FAM177A1: variants seen among roughly 807,000 people sequenced by gnomAD.
FAM177A1 encodes family with sequence similarity 177 member A1.
A neutral mutation model predicts 26.1 loss-of-function variants in FAM177A1; 22 were observed. The ratio of observed to expected loss-of-function variants is 0.84; its 90% CI spans 0.60 to 1.20. FAM177A1 has a LOEUF of 1.20. Ranked by LOEUF, FAM177A1 falls within the 50% of genes most tolerant of loss-of-function variation. The pLI, the probability that FAM177A1 is intolerant of heterozygous loss-of-function variation, is 0.00. For synonymous variants in FAM177A1, 95 were observed against 99.3 expected (o/e 0.96, Z 0.26); for missense variants, 296 against 291.1 (o/e 1.02, Z -0.12).
chr14:35,076,551 C>T (rs2045399654), intron 2 of FAM177A1, among the ~76,000 whole-genome samples: 1 of 151,890 alleles, frequency 6.6e-6, no homozygotes, highest in Non-Finnish European at 1.5e-5. Flanking sequence ...TGTAACAAAC[C>T]TGCATGTTGT....
At chr14:35,045,413 G>C (rs917387547), upstream of FAM177A1, among the ~76,000 whole-genome samples, 5 of 152,186 alleles carry the variant, frequency 3.3e-5, no homozygotes, top group African/African-American at 1.2e-4. Context: ...TGGCACAGAA[G>C]AGAAAGGAAT....
chr14:35,054,017 T>C (rs564096526), intron 2 of FAM177A1, among the ~76,000 whole-genome samples: 1 of 152,014 alleles, frequency 6.6e-6, no homozygotes, highest in South Asian at 2.1e-4. Context: ...TCTTACTAAA[T>C]TGAGTGCTTG....
intron 2 of FAM177A1, among the ~76,000 whole-genome samples, chr14:35,056,218 A>G (rs1462413331): frequency 6.6e-6 from 1 of 151,994 alleles, no homozygotes; most frequent in African/African-American, 2.4e-5. Context: ...TATTTTTAGT[A>G]GAGACATGCT....
At chr14:35,077,468 C>CTTTTTTTTTTTTTTTT (rs150813883) in intron 3 of FAM177A1, among the ~76,000 whole-genome samples, 7 of 79,526 alleles carry the variant, frequency 8.8e-5, no homozygotes, top group Non-Finnish European at 1.2e-4. Context: ...TTTTCAAGTT[C>CTTTTTTTTTTTTTTTT]TTTTTTTTTT....
At chr14:35,061,922 T>C (rs1039564583) in intron 2 of FAM177A1, among the ~76,000 whole-genome samples, 1 of 152,028 alleles carries the variant, frequency 6.6e-6, no homozygotes, top group Admixed American at 6.6e-5. Context: ...CAGAGGCTGG[T>C]GGAAGAAGAG....
chr14:35,066,294 C>T (rs1232634912), intron 2 of FAM177A1, among the ~76,000 whole-genome samples: 1 of 151,478 alleles, frequency 6.6e-6, no homozygotes, highest in Non-Finnish European at 1.5e-5. Context: ...TCTTGGACTC[C>T]TCGGCTCAAA....
At chr14:35,079,060 G>C in intron 4 of FAM177A1, 36 bp downstream of exon 4, 3 of 1,506,628 alleles carry the variant, frequency 2.0e-6, no homozygotes, top group Non-Finnish European at 2.7e-6. Context: ...GATTCAGTTT[G>C]GTTTGCTATG....
At chr14:35,059,599 A>G (rs1168383759) in intron 2 of FAM177A1, among the ~76,000 whole-genome samples, 2 of 149,818 alleles carry the variant, frequency 1.3e-5, no homozygotes, top group Admixed American at 6.7e-5. Flanking sequence ...CAGTGGCGCA[A>G]TCTCGGCTCA....
At chr14:35,049,284 A>G (rs991419895) in intron 1 of FAM177A1, among the ~76,000 whole-genome samples, 3 of 152,158 alleles carry the variant, frequency 2.0e-5, no homozygotes, top group Non-Finnish European at 2.9e-5. Context: ...AAATTTCAGT[A>G]CCACTCAGTG....
In FAM177A1 at chr14:35,053,284, A is replaced by G. The variant is rs374819963; in HGVS notation, c.172A>G (p.Asn58Asp). The change falls in exon 2 of 5, where the codon AAC (asparagine) becomes GAC (aspartate). Residue 58 changes from asparagine (N) to aspartate (D), a missense_variant. Coordinates refer to ENST00000280987, the MANE Select transcript of FAM177A1 (RefSeq NM_173607.5). ...AFGESAGQMSNERGFENVELG... is the reference protein window; with the variant it reads ...AFGESAGQMSDERGFENVELG... Reference sequence around the variant, plus strand: ...TAAAATATCGTTGATATAGATGAGTAACGAAAGAGGCTTTGAAAATGTAGA... The same window carrying G: ...TAAAATATCGTTGATATAGATGAGTGACGAAAGAGGCTTTGAAAATGTAGA... 3.7e-6 allele frequency: 6 copies of G among 1,608,626 alleles called. No individual in the cohort carries two copies. The African/African-American group carries it at 6.7e-5, about 18-fold the overall frequency.
intron 2 of FAM177A1, among the ~76,000 whole-genome samples, chr14:35,057,091 C>CT (rs2045073920): frequency 6.6e-6 from 1 of 152,166 alleles, no homozygotes; most frequent in Admixed American, 6.6e-5. Context: ...CCTCTGTTTG[C>CT]TTTAAGTGTA....
At chr14:35,050,373 AAG>A (rs1209656975) in intron 1 of FAM177A1, 1 of 152,172 alleles carries the variant, frequency 6.6e-6, no homozygotes, top group Non-Finnish European at 1.5e-5. Flanking sequence ...AAAATAAAAA[AAG>A]AAAAATATTT....
intron 2 of FAM177A1, among the ~76,000 whole-genome samples, chr14:35,075,454 T>C (rs541501682): frequency 6.6e-6 from 1 of 152,316 alleles, no homozygotes; most frequent in African/African-American, 2.4e-5. Context: ...TAACTCAAGA[T>C]GGATTAAAGA....
chr14:35,068,009 G>T (rs2045265651), intron 2 of FAM177A1, among the ~76,000 whole-genome samples: 1 of 152,084 alleles, frequency 6.6e-6, no homozygotes, highest in Non-Finnish European at 1.5e-5. Flanking sequence ...CTTTTACTGT[G>T]CAGAAGCTTT....
chr14:35,074,914 G>A (rs1381608177), intron 2 of FAM177A1, among the ~76,000 whole-genome samples: 1 of 151,978 alleles, frequency 6.6e-6, no homozygotes, highest in Non-Finnish European at 1.5e-5. Context: ...GTGCACGTCT[G>A]TAATCCCAGC....
intron 2 of FAM177A1, among the ~76,000 whole-genome samples, chr14:35,071,549 CTT>C (rs914423584): frequency 2.6e-5 from 4 of 151,488 alleles, no homozygotes; most frequent in African/African-American, 9.7e-5. Flanking sequence ...CTAGCTACTT[CTT>C]TTTTTTGATT....
intron 1 of FAM177A1, among the ~76,000 whole-genome samples, chr14:35,052,714 C>T (rs923445526): frequency 6.6e-6 from 1 of 151,896 alleles, no homozygotes; most frequent in African/African-American, 2.4e-5. Flanking sequence ...TGCTTAAGGC[C>T]AGTAGTTGGA....
At chr14:35,078,454 C>T (rs911355736) in intron 3 of FAM177A1, among the ~76,000 whole-genome samples, 3 of 152,168 alleles carry the variant, frequency 2.0e-5, no homozygotes, top group Non-Finnish European at 4.4e-5. Flanking sequence ...CAGTTTCAAG[C>T]TATTCTCTTG....
At chr14:35,059,120 A>G (rs1336282347) in intron 2 of FAM177A1, among the ~76,000 whole-genome samples, 3 of 151,686 alleles carry the variant, frequency 2.0e-5, no homozygotes, top group East Asian at 3.9e-4. Context: ...TATTTTTAGT[A>G]TTCACCATGT....
Sources: gnomAD v4.1 joint callset for allele counts (sites outside exome capture counted in the v4.1 genomes callset) on GRCh38, gnomAD v4.1.1 for gene constraint, MANE v1.5 for transcripts, NCBI Gene and HGNC (gene_info 2026-07-23, HGNC 2026-07-21) for gene names.